The following PLXNA4 variants were observed in gnomAD, a reference collection of about 807,000 sequenced individuals.
PLXNA4 encodes the protein plexin-A4.
A neutral mutation model predicts 191.8 loss-of-function variants in PLXNA4; 44 were observed. The observed-to-expected ratio is 0.23, with a 90% confidence interval of 0.18 to 0.29. The LOEUF (loss-of-function observed/expected upper bound fraction) is 0.29, where lower values mean the gene tolerates loss of function less well. Ranked by LOEUF, PLXNA4 falls within the 10% of genes least tolerant of loss-of-function variation. PLXNA4 has a pLI of 1.00. For missense variants in PLXNA4, 1,800 were observed against 2,488.8 expected (o/e 0.72, Z 5.89); for synonymous variants, 1,082 against 1,009.5 (o/e 1.07, Z -1.36).
intron 5 of PLXNA4, among the ~76,000 whole-genome samples, chr7:132,234,596 T>TGTGTGTG (rs1798633892): frequency 6.9e-6 from 1 of 144,158 alleles, no homozygotes; most frequent in East Asian, 2.1e-4. Flanking sequence ...AGCATGTGTT[T>TGTGTGTG]TGTGTGTGTG....
chr7:132,140,568 C>T (rs772379067), intron 30 of PLXNA4, 31 bp downstream of exon 30: 4 of 1,608,930 alleles, frequency 2.5e-6, no homozygotes, highest in Non-Finnish European at 1.7e-6. Flanking sequence ...CAGCAAGGGG[C>T]CCTGACTTGG....
rs1196484529 is a variant in PLXNA4 at position 132,132,463 on chromosome 7, T to TTCTGCTCTGCTCTGC, written c.5589+571_5589+585dup. On this transcript the variant is annotated intron_variant, in intron 31 of 31. Transcript: ENST00000321063. ...TTCTGTTCTGTTCTGTTCTGTTCTG[T>TTCTGCTCTGCTCTGC]TCTGCTCTGCTCTGCTCTGCTCTGC... Among the ~76,000 whole-genome samples the TTCTGCTCTGCTCTGC allele has an allele frequency of 3.8e-4, 25 of 65,600 alleles. 3 individuals are homozygous for TTCTGCTCTGCTCTGC. The highest frequency in any genetic ancestry group is 3.1e-3 in the South Asian group (5 of 1,620). The allele number at this position is 65,600 out of a possible 152,430, so 43.0% of individuals were successfully genotyped here.
At chr7:132,184,222 C>G (rs576666171) in intron 16 of PLXNA4, among the ~76,000 whole-genome samples, 1 of 152,176 alleles carries the variant, frequency 6.6e-6, no homozygotes, top group Non-Finnish European at 1.5e-5. Flanking sequence ...CAGGGGGCAG[C>G]GGGAGGGGGC....
intron 3 of PLXNA4, among the ~76,000 whole-genome samples, chr7:132,378,854 T>A (rs957921176): frequency 6.7e-6 from 1 of 150,050 alleles, no homozygotes; most frequent in Non-Finnish European, 1.5e-5. Context: ...GATCTTTTTT[T>A]TTTTTTTTTT....
At chr7:132,462,424 T>G (rs903988635) in intron 3 of PLXNA4, among the ~76,000 whole-genome samples, 5 of 152,118 alleles carry the variant, frequency 3.3e-5, no homozygotes, top group African/African-American at 1.2e-4. Context: ...TATGAAATAT[T>G]AGGCTGCCAC....
chr7:132,497,112 G>GTGCA (rs1202771030), intron 2 of PLXNA4, among the ~76,000 whole-genome samples: 63 of 97,734 alleles, frequency 6.4e-4, no homozygotes, highest in South Asian at 1.4e-3. Flanking sequence ...ATGCACACTT[G>GTGCA]TGCACGCACG....
intron 3 of PLXNA4, among the ~76,000 whole-genome samples, chr7:132,388,870 C>A (rs530139518): frequency 1.5e-4 from 23 of 152,214 alleles, no homozygotes; most frequent in Non-Finnish European, 3.2e-4. Context: ...TTCCTCAAAG[C>A]AGGGCTTCTT....
At position 132,598,696 on chromosome 7, in the gene PLXNA4, T is replaced by C. The variant is rs1802762276; in HGVS notation, c.-87+47232A>G. On this transcript the variant is annotated intron_variant, in intron 2 of 4. Coordinates refer to the PLXNA4 transcript ENST00000378539. ...CTAAATAACAGTGCTCTGTCAGTTT[T>C]AGACACAGTAAACTATCTTCTCCCA... Among the ~76,000 whole-genome samples, 4 of 152,366 alleles carry C rather than the reference T, an allele frequency of 2.6e-5. No individual in the cohort carries two copies. In the Middle Eastern group the frequency reaches 0.01, roughly 389 times the overall value.
Position 132,168,546 on chromosome 7 carries a change from C to T in PLXNA4, c.4044G>A (p.Val1348=). The change falls in exon 22 of 32, where the codon GTG becomes GTA. Residue 1348 remains valine (V), a synonymous_variant. Coordinates refer to ENST00000321063, the MANE Select transcript of PLXNA4 (RefSeq NM_020911.2). The stretch of plus-strand genomic sequence containing the variant: ...GGGCGAAGAGCTTCAGGCCTTTCTC[C>T]ACACGCTCCTGCCGGTAGCCCGGGA... ...LEVPGYRQER[V]EKGLKLFAQL... 2 of 1,597,980 alleles carry T rather than the reference C, an allele frequency of 1.3e-6. No individual in the cohort carries two copies. The highest frequency in any genetic ancestry group is 1.7e-6 in the Non-Finnish European group (2 of 1,170,728).
At chr7:132,159,377 A>C in intron 25 of PLXNA4, 96 bp downstream of exon 25, 2 of 1,548,424 alleles carry the variant, frequency 1.3e-6, no homozygotes, top group Non-Finnish European at 8.7e-7. Context: ...TATTCCCCTC[A>C]GATCTCTACC....
intron 2 of PLXNA4, among the ~76,000 whole-genome samples, chr7:132,585,145 T>C (rs773850741): frequency 6.6e-6 from 1 of 152,182 alleles, no homozygotes; most frequent in Non-Finnish European, 1.5e-5. Context: ...AACTTCTGTT[T>C]GGCACTAGAT....
chr7:132,332,313 T>C (rs1186185732), intron 3 of PLXNA4, among the ~76,000 whole-genome samples: 1 of 152,220 alleles, frequency 6.6e-6, no homozygotes, highest in Non-Finnish European at 1.5e-5. Flanking sequence ...ACCTGTCCGC[T>C]CTGAAATCAG....
intron 3 of PLXNA4, among the ~76,000 whole-genome samples, chr7:132,359,111 A>G (rs1198581729): frequency 1.3e-5 from 2 of 152,042 alleles, no homozygotes; most frequent in Non-Finnish European, 2.9e-5. Context: ...TGGGTACTAC[A>G]AAGAGACTCA....
At chr7:132,323,091 G>C (rs1802236434) in intron 3 of PLXNA4, among the ~76,000 whole-genome samples, 1 of 152,172 alleles carries the variant, frequency 6.6e-6, no homozygotes, top group African/African-American at 2.4e-5. Context: ...AGATCCGTTG[G>C]GGGAGAGACT....
intron 4 of PLXNA4, among the ~76,000 whole-genome samples, chr7:132,280,393 T>C (rs1398409977): frequency 1.3e-5 from 2 of 152,082 alleles, no homozygotes; most frequent in African/African-American, 4.8e-5. Context: ...GGAGACATAA[T>C]GAGAAAAGGC....
intron 1 of PLXNA4, among the ~76,000 whole-genome samples, chr7:132,562,199 C>CCTT: frequency 7.8e-6 from 1 of 128,752 alleles, no homozygotes; most frequent in Non-Finnish European, 1.6e-5. Context: ...TTCTCCTCCT[C>CCTT]CTCCTTCTCC....
intron 25 of PLXNA4, among the ~76,000 whole-genome samples, chr7:132,151,845 G>C (rs1795655132): frequency 1.3e-5 from 2 of 152,072 alleles, no homozygotes; most frequent in Non-Finnish European, 1.5e-5. Flanking sequence ...ATAACTGGCG[G>C]GCAGCCCCAC....
At chr7:132,239,383 G>A (rs1798806188) in intron 5 of PLXNA4, among the ~76,000 whole-genome samples, 1 of 152,178 alleles carries the variant, frequency 6.6e-6, no homozygotes, top group Non-Finnish European at 1.5e-5. Flanking sequence ...CAGCATTGTG[G>A]GCAGAGACCA....
chr7:132,286,423 C>T (rs529630164), intron 4 of PLXNA4, among the ~76,000 whole-genome samples: 31 of 152,242 alleles, frequency 2.0e-4, no homozygotes, highest in African/African-American at 6.0e-4. Context: ...AACAGGACAC[C>T]GGCGCTAAGT....
Sources: allele counts gnomAD v4.1 joint callset (sites outside exome capture counted in the v4.1 genomes callset), GRCh38; gene constraint gnomAD v4.1.1; transcripts MANE v1.5; gene names NCBI Gene and HGNC (gene_info 2026-07-23, HGNC 2026-07-21).